Variants in MTDH observed in about 807,000 individuals in gnomAD.
The protein encoded by MTDH is metadherin.
In MTDH, 34 loss-of-function variants were observed where a neutral mutation model predicts 72.7. That is an observed-to-expected ratio of 0.47 (90% confidence interval 0.36 to 0.62). MTDH has a LOEUF of 0.62. Among genes scored for constraint, MTDH ranks in the 20% least tolerant of loss-of-function variants. The pLI, the probability that MTDH is intolerant of heterozygous loss-of-function variation, is 0.00. For missense variants in MTDH, 677 were observed against 699.4 expected (o/e 0.97, Z 0.36); for synonymous variants, 266 against 268.9 (o/e 0.99, Z 0.10).
At position 97,691,025 on chromosome 8, in the gene MTDH, A is replaced by G. The variant is rs897213734; in HGVS notation, c.885A>G (p.Ser295=). The G allele has an allele frequency of 6.2e-7, 1 of 1,614,110 alleles. No individual in the cohort carries two copies. The highest frequency in any genetic ancestry group is 2.2e-5 in the East Asian group (1 of 44,870). ...GWNEKSVKLS[S]QISAGEEKWN... ...ATGAAAAGTCTGTAAAACTCTCCTC[A>G]CAGATCAGTGCAGGTGAGGAGAAGT... is the stretch of plus-strand genomic sequence containing the variant. Residue 295 remains serine (S), a synonymous_variant, in exon 6 of 12, where the codon TCA becomes TCG. Transcript: ENST00000336273.
chr8:97,706,552 A>G, intron 7 of MTDH, 74 bp from the exon 8 acceptor site: 2 of 1,393,924 alleles, frequency 1.4e-6, no homozygotes, highest in South Asian at 1.6e-5. Flanking sequence ...AGTTGAACAT[A>G]AGGAATTTTT....
intron 8 of MTDH, 126 bp from the exon 9 acceptor site, chr8:97,713,536 T>C (rs1814722273): frequency 1.4e-5 from 8 of 554,786 alleles, no homozygotes; most frequent in Non-Finnish European, 2.2e-5. Flanking sequence ...TACTTATTAC[T>C]AGTTTTTATT....
chr8:97,698,746 A>G lies in MTDH; in HGVS notation c.1049-1008A>G, dbSNP rs145931565. Among the ~76,000 whole-genome samples the G allele has an allele frequency of 1.5e-4, 23 of 152,378 alleles. No homozygotes were observed. The East Asian group carries it at 3.9e-3, about 26-fold the overall frequency. On this transcript the variant is annotated intron_variant, in intron 6 of 11. Transcript: ENST00000336273. The stretch of plus-strand genomic sequence containing the variant: ...TTCCCTCTTTCAAGGTTCTGAGGAT[A>G]CATAGCCCTGAAACATCCAGGACTA...
chr8:97,669,276 A>G (rs1047063162), intron 2 of MTDH, among the ~76,000 whole-genome samples: 4 of 151,838 alleles, frequency 2.6e-5, no homozygotes, highest in Non-Finnish European at 5.9e-5. Flanking sequence ...CAGCCTCCCT[A>G]GTAGCTGGGA....
At chr8:97,677,232 G>A (rs1305597361) in intron 2 of MTDH, among the ~76,000 whole-genome samples, 2 of 126,118 alleles carry the variant, frequency 1.6e-5, no homozygotes, top group East Asian at 2.7e-4. Flanking sequence ...AGTGGCTCAT[G>A]CCTGTAATCC....
chr8:97,661,757 A>G (rs1192435005), intron 2 of MTDH, among the ~76,000 whole-genome samples: 5 of 152,116 alleles, frequency 3.3e-5, no homozygotes, highest in Non-Finnish European at 5.9e-5. Context: ...AGCCTGGGCA[A>G]CATGGCGAAA....
rs762632270 is a variant in MTDH, at chr8:97,644,771, C to A, written c.265C>A (p.Arg89=). 2 of 1,549,686 alleles carry A rather than the reference C, an allele frequency of 1.3e-6. 1 individual carries two copies. The highest frequency in any genetic ancestry group is 4.5e-5 in the Admixed American group (2 of 44,500). Residue 89 remains arginine, a synonymous_variant, in exon 1 of 12, where the codon CGG becomes AGG. Transcript: ENST00000336273. ...AAAGCGGAGGAGCCCGCCCCGCAAG[C>A]GGGAGGAGGCGGCGGCCGTGCCGGC... ...RKKRRSPPRK[R]EEAAAVPAAA...
chr8:97,716,468 T>C (rs1814876839), intron 9 of MTDH, among the ~76,000 whole-genome samples: 1 of 151,830 alleles, frequency 6.6e-6, no homozygotes, highest in Non-Finnish European at 1.5e-5. Flanking sequence ...GGCGGGTGGA[T>C]CACAAGGTCA....
Position 97,644,448 on chromosome 8 carries a change from A to C in MTDH, c.-59A>C, listed in dbSNP as rs963319279. 99 of 1,518,804 alleles carry C rather than the reference A, an allele frequency of 6.5e-5. No homozygotes were observed. In the Admixed American group the frequency reaches 1.8e-3, roughly 28 times the overall value. The allele number at this position is 1,518,804 out of a possible 1,614,324, so 94.1% of individuals were successfully genotyped here. ...CGGCCCTTCCTCGCTTCCCTCGACT[A>C]TTCCACTGCGTCTCCGCGCCCCGGC... On this transcript the variant is annotated 5_prime_UTR_variant, in exon 1 of 12. Coordinates refer to ENST00000336273, the MANE Select transcript of MTDH (RefSeq NM_178812.4).
chr8:97,650,106 A>ACGTG (rs1811713278), intron 1 of MTDH, among the ~76,000 whole-genome samples: 1 of 151,602 alleles, frequency 6.6e-6, no homozygotes, highest in African/African-American at 2.4e-5. Flanking sequence ...ACAGGCGCCC[A>ACGTG]CCACCATGCC....
At chr8:97,690,345 C>T (rs948556927) in intron 5 of MTDH, among the ~76,000 whole-genome samples, 3 of 152,120 alleles carry the variant, frequency 2.0e-5, no homozygotes, top group Admixed American at 1.3e-4. Context: ...CCTTCATGCC[C>T]ATGATTCTCA....
chr8:97,653,338 G>T (rs531520234), intron 1 of MTDH, among the ~76,000 whole-genome samples: 2 of 152,242 alleles, frequency 1.3e-5, no homozygotes, highest in South Asian at 4.1e-4. Context: ...GGTTTCGATG[G>T]CATGTTCCAG....
At chr8:97,678,273 G>A (rs1297930098) in intron 2 of MTDH, among the ~76,000 whole-genome samples, 2 of 152,028 alleles carry the variant, frequency 1.3e-5, no homozygotes, top group Middle Eastern at 3.2e-3. Context: ...ACTGATGGAC[G>A]GCTTTGACTG....
intron 10 of MTDH, among the ~76,000 whole-genome samples, chr8:97,720,052 C>T (rs1197604758): frequency 6.6e-6 from 1 of 152,086 alleles, no homozygotes; most frequent in African/African-American, 2.4e-5. Context: ...TTTGGGAGGC[C>T]AAGGTGGGTG....
chr8:97,653,125 GA>G (rs553276689), intron 1 of MTDH, among the ~76,000 whole-genome samples: 1,110 of 95,798 alleles, frequency 0.012, 7 homozygotes, highest in Middle Eastern at 0.064. Context: ...CTCAAAAAAA[GA>G]AAAAAAAAAA....
chr8:97,726,699 G>C lies in MTDH; in HGVS notation c.*2029G>C, dbSNP rs1386053332. On this transcript the variant is annotated 3_prime_UTR_variant, in exon 12 of 12. Transcript: ENST00000336273. ...CATTGTGGAGATGCAGAGATGCGTT[G>C]CTAAGTTGAGGTGGATCCAGTATAG... The C allele has an allele frequency of 6.6e-6, 1 of 152,218 alleles. No homozygotes were observed. Among genetic ancestry groups the C allele is most frequent in the African/African-American group, 2.4e-5 (1 of 41,456 alleles). 9.4% of individuals were successfully genotyped at this position (152,218 alleles called of 1,614,324 possible).
intron 6 of MTDH, among the ~76,000 whole-genome samples, chr8:97,696,658 T>C (rs912244293): frequency 6.6e-6 from 1 of 152,158 alleles, no homozygotes; most frequent in African/African-American, 2.4e-5. Context: ...TCATCATGAG[T>C]TTAAAACTAA....
intron 1 of MTDH, among the ~76,000 whole-genome samples, chr8:97,659,074 C>T (rs946836547): frequency 6.6e-6 from 1 of 151,398 alleles, no homozygotes; most frequent in Non-Finnish European, 1.5e-5. Context: ...ATCCAGGAGG[C>T]AGAGCTTGCA....
chr8:97,715,486 T>G (rs1814828044), intron 9 of MTDH, among the ~76,000 whole-genome samples: 1 of 152,246 alleles, frequency 6.6e-6, no homozygotes, highest in African/African-American at 2.4e-5. Flanking sequence ...TGTATTCAGT[T>G]ATTTTTTATT....
Sources: gnomAD v4.1 joint callset for allele counts (sites outside exome capture counted in the v4.1 genomes callset) on GRCh38, gnomAD v4.1.1 for gene constraint, MANE v1.5 for transcripts, NCBI Gene and HGNC (gene_info 2026-07-23, HGNC 2026-07-21) for gene names.